The following CCDC171 variants were observed in gnomAD, a reference collection of about 807,000 sequenced individuals.
The protein encoded by CCDC171 is coiled-coil domain containing 171.
CCDC171 carries 177 observed loss-of-function variants against 168.2 expected under a neutral mutation model. That is an observed-to-expected ratio of 1.05 (90% CI 0.93 to 1.19). The LOEUF (loss-of-function observed/expected upper bound fraction) is 1.19, where lower values mean the gene tolerates loss of function less well. Among genes scored for constraint, CCDC171 ranks in the 50% most tolerant of loss-of-function variants. The pLI, the probability that CCDC171 is intolerant of heterozygous loss-of-function variation, is 0.00. For synonymous variants in CCDC171, 687 were observed against 540.8 expected (o/e 1.27, Z -3.75); for missense variants, 1,991 against 1,539.0 (o/e 1.29, Z -4.91).
At chr9:15,600,019 C>G (rs1398487973) in intron 6 of CCDC171, among the ~76,000 whole-genome samples, 1 of 152,216 alleles carries the variant, frequency 6.6e-6, no homozygotes, top group Non-Finnish European at 1.5e-5. Context: ...AAGGACTTCT[C>G]TGCATTGGCT....
intron 10 of CCDC171, among the ~76,000 whole-genome samples, chr9:15,684,804 C>G (rs1371510880): frequency 2.6e-5 from 4 of 152,138 alleles, no homozygotes; most frequent in Non-Finnish European, 4.4e-5. Context: ...AACATTGACT[C>G]CTCTTTCATA....
At chr9:15,659,310 C>T (rs1410873750) in intron 8 of CCDC171, among the ~76,000 whole-genome samples, 1 of 152,126 alleles carries the variant, frequency 6.6e-6, no homozygotes, top group Non-Finnish European at 1.5e-5. Flanking sequence ...TTTGTTGGAC[C>T]TGCTACTTTC....
At chr9:15,955,950 G>A (rs946775801) in intron 25 of CCDC171, among the ~76,000 whole-genome samples, 15 of 152,132 alleles carry the variant, frequency 9.9e-5, no homozygotes, top group African/African-American at 3.6e-4. Flanking sequence ...GACAGTAACA[G>A]TGGAGATAGA....
At chr9:16,016,619 T>G (rs1045047212) in intron 3 of CCDC171, among the ~76,000 whole-genome samples, 1 of 152,142 alleles carries the variant, frequency 6.6e-6, no homozygotes, top group Non-Finnish European at 1.5e-5. Flanking sequence ...TGTTACTTCC[T>G]TGGCTCACTC....
chr9:15,776,741 A>AG (rs1465926269), intron 18 of CCDC171, among the ~76,000 whole-genome samples: 4 of 152,210 alleles, frequency 2.6e-5, no homozygotes, highest in Non-Finnish European at 5.9e-5. Flanking sequence ...TATTCTTATA[A>AG]GGATAAAACA....
At chr9:15,782,715 T>G (rs1219723385) in intron 20 of CCDC171, among the ~76,000 whole-genome samples, 1 of 152,172 alleles carries the variant, frequency 6.6e-6, no homozygotes, top group Non-Finnish European at 1.5e-5. Flanking sequence ...AGAGGGATGT[T>G]AATAAATAGA....
chr9:15,947,724 A>G (rs1312887527), intron 25 of CCDC171, among the ~76,000 whole-genome samples: 1 of 152,054 alleles, frequency 6.6e-6, no homozygotes, highest in African/African-American at 2.4e-5. Flanking sequence ...GGTTATACCC[A>G]GAAGTGAAAT....
chr9:15,661,073 G>C (rs911976872), intron 8 of CCDC171, among the ~76,000 whole-genome samples: 5 of 152,176 alleles, frequency 3.3e-5, no homozygotes, highest in Non-Finnish European at 7.3e-5. Flanking sequence ...GAGGTCAGGA[G>C]ATCGAGACCA....
chr9:15,832,102 G>T (rs568803577), intron 21 of CCDC171, among the ~76,000 whole-genome samples: 1 of 152,010 alleles, frequency 6.6e-6, no homozygotes, highest in Non-Finnish European at 1.5e-5. Flanking sequence ...CTTTTCCCAT[G>T]ATCTTCTTTT....
chr9:15,627,998 T>C (rs1776396029), intron 7 of CCDC171, among the ~76,000 whole-genome samples: 1 of 152,014 alleles, frequency 6.6e-6, no homozygotes, highest in Non-Finnish European at 1.5e-5. Flanking sequence ...AGGGAAGCCG[T>C]ATTGTGTAGG....
At chr9:15,699,621 C>A (rs185463203) in intron 11 of CCDC171, among the ~76,000 whole-genome samples, 3 of 152,076 alleles carry the variant, frequency 2.0e-5, no homozygotes, top group Non-Finnish European at 2.9e-5. Flanking sequence ...CACAAAGGTT[C>A]TCCAAGGCCC....
intron 23 of CCDC171, among the ~76,000 whole-genome samples, chr9:15,871,795 A>G (rs2062049321): frequency 1.3e-5 from 2 of 151,046 alleles, no homozygotes; most frequent in Non-Finnish European, 3.0e-5. Flanking sequence ...TCTACCCTTT[A>G]TTTCTTCCGT....
chr9:15,630,904 C>G (rs955103597), intron 7 of CCDC171, among the ~76,000 whole-genome samples: 3 of 152,162 alleles, frequency 2.0e-5, no homozygotes, highest in Non-Finnish European at 4.4e-5. Context: ...AACTGAACAA[C>G]CTGCTCCTGA....
chr9:15,633,356 G>C (rs532261215), intron 7 of CCDC171, among the ~76,000 whole-genome samples: 3 of 151,990 alleles, frequency 2.0e-5, no homozygotes, highest in Non-Finnish European at 2.9e-5. Context: ...TCAAAAACGG[G>C]GCAAAGGACA....
intron 19 of CCDC171, among the ~76,000 whole-genome samples, chr9:15,778,315 A>C (rs1451901096): frequency 1.3e-4 from 2 of 15,874 alleles, no homozygotes; most frequent in Non-Finnish European, 1.6e-4. Flanking sequence ...CTCCGTCTCA[A>C]AAAAAAAAAA....
chr9:15,572,107 T>A lies in CCDC171; in HGVS notation c.177+348T>A, dbSNP rs114008011. 5.9e-3 allele frequency among the ~76,000 whole-genome samples: 906 copies of A among 152,276 alleles called. 13 individuals are homozygous for A. The highest frequency in any genetic ancestry group is 0.02 in the African/African-American group (828 of 41,582). On this transcript the variant is annotated intron_variant, in intron 3 of 25. Transcript: ENST00000380701. The stretch of plus-strand genomic sequence containing the variant: ...CTTTAAGGTCTCCATTATGGAGCAA[T>A]CTCTTTAAGTAAATTTGAGTATGGA...
rs563985359 is a variant in CCDC171, at chr9:16,025,460, A to AAAAC, written n.998+2568_998+2571dup. On this transcript the variant is annotated intron_variant and non_coding_transcript_variant, in intron 6 of 9. Coordinates refer to the CCDC171 transcript ENST00000486641. ...GGTGACAGAGTGAGGCTTCCTCTCA[A>AAAAC]AAACAAACAAACAAACAAAAAAACT... 4.3e-4 allele frequency among the ~76,000 whole-genome samples: 65 copies of AAAAC among 152,256 alleles called. No homozygotes were observed. In the East Asian group the frequency reaches 9.8e-3, roughly 23 times the overall value.
the CCDC171 span, among the ~76,000 whole-genome samples, chr9:16,078,696 A>C: frequency 6.6e-6 from 1 of 152,182 alleles, no homozygotes; most frequent in Non-Finnish European, 1.5e-5. Context: ...ACCATTAATT[A>C]ATTACATGAC....
chr9:15,568,790 C>G (rs908661084), intron 2 of CCDC171, among the ~76,000 whole-genome samples: 1 of 151,920 alleles, frequency 6.6e-6, no homozygotes, highest in African/African-American at 2.4e-5. Context: ...CTTATAGATG[C>G]TGGATATTAG....
Sources: allele counts gnomAD v4.1 joint callset (sites outside exome capture counted in the v4.1 genomes callset), GRCh38; gene constraint gnomAD v4.1.1; transcripts MANE v1.5; gene names NCBI Gene and HGNC (gene_info 2026-07-23, HGNC 2026-07-21).